ADCY3: variants seen among roughly 807,000 people sequenced by gnomAD.
The protein encoded by ADCY3 is adenylate cyclase 3.
A neutral mutation model predicts 119.4 loss-of-function variants in ADCY3; 70 were observed. The ratio of observed to expected loss-of-function variants is 0.59; its 90% CI spans 0.48 to 0.72. The LOEUF is 0.72. ADCY3 is among the 30% of genes least tolerant of loss of function. The probability of loss-of-function intolerance (pLI) is 0.00; values close to 1 mark genes in which losing one functional copy is unlikely to be tolerated. For missense variants in ADCY3, 1,238 were observed against 1,541.6 expected, an observed-to-expected ratio of 0.80 and a Z score of 3.30; for synonymous variants, 672 against 621.4, an observed-to-expected ratio of 1.08 and a Z score of -1.21.
chr2:24,909,080 A>G (rs1663262053), intron 2 of ADCY3, among the ~76,000 whole-genome samples: 1 of 152,182 alleles, frequency 6.6e-6, no homozygotes, highest in Admixed American at 6.5e-5. Flanking sequence ...GGTCTGGTAT[A>G]CAGAAGGTGT....
chr2:24,864,061 C>A (rs547685923), intron 3 of ADCY3, among the ~76,000 whole-genome samples: 15 of 152,250 alleles, frequency 9.9e-5, no homozygotes, highest in Non-Finnish European at 1.8e-4. Flanking sequence ...CCAAGGCAGG[C>A]GGATCACCAG....
intron 3 of ADCY3, among the ~76,000 whole-genome samples, chr2:24,851,969 G>A (rs566770575): frequency 5.9e-5 from 9 of 152,266 alleles, no homozygotes; most frequent in Non-Finnish European, 1.0e-4. Context: ...ATCCTCTACC[G>A]CAGCACCCGA....
In ADCY3 at chr2:24,828,115, C is replaced by G. The variant is rs757843051; in HGVS notation, c.2219G>C (p.Gly740Ala). The change falls in exon 14 of 22, where the codon GGG becomes GCG. Residue 740 changes from glycine to alanine, a missense_variant. Around this residue, in one of 7 missense-constraint regions of ADCY3, gnomAD observed 499 missense variants for 571.0 expected, o/e 0.87. Coordinates refer to ENST00000679454, the MANE Select transcript of ADCY3 (RefSeq NM_004036.5). Reference protein sequence around the residue: ...YYTGPSNATAGMETEGSCLEN... With the variant: ...YYTGPSNATAAMETEGSCLEN... ...CAGGCAGCTGCCCTCCGTTTCCATC[C>G]CTGCCGTTGCATTGCTGGGTCCCGT... is the stretch of plus-strand genomic sequence containing the variant. 8 of 1,613,984 alleles carry G rather than the reference C, an allele frequency of 5.0e-6. No homozygotes were observed. The highest frequency in any genetic ancestry group is 4.2e-6 in the Non-Finnish European group (5 of 1,180,044).
chr2:24,820,427 C>T (rs192003894), intron 21 of ADCY3: 29 of 1,321,332 alleles, frequency 2.2e-5, no homozygotes, highest in African/African-American at 1.8e-4. Context: ...TTGCCCCTTT[C>T]GTGGAGCTTT....
rs761324296 is a variant in ADCY3 at position 24,918,579 on chromosome 2, T to C, written c.409A>G (p.Arg137Gly). Residue 137 changes from arginine to glycine, a missense_variant, in exon 2 of 22, where the codon AGA becomes GGA. Around this residue, in one of 7 missense-constraint regions of ADCY3, gnomAD observed 227 missense variants for 249.3 expected, o/e 0.91. Transcript: ENST00000679454. The surrounding 1 kb of genome is among the most constrained non-coding windows in gnomAD (Gnocchi z 5.4). ...AGCCACAGCACGTAGGGCAGCACTC[T>C]GCGGGTGACCCGGTCCGGGAGCAGC... ...KGLLPDRVTR[R>G]VLPYVLWLLI... The C allele has an allele frequency of 6.2e-7, 1 of 1,614,144 alleles. No individual in the cohort carries two copies. The highest frequency in any genetic ancestry group is 8.5e-7 in the Non-Finnish European group (1 of 1,180,032).
chr2:24,819,589 G>A lies in ADCY3; in HGVS notation c.*343C>T, dbSNP rs112196584. On this transcript the variant is annotated 3_prime_UTR_variant, in exon 22 of 22. Coordinates refer to ENST00000679454, the MANE Select transcript of ADCY3 (RefSeq NM_004036.5). ...CCGCCTGTGCTCCCTCCACAGTCCC[G>A]GAAAGCCCAGCGGCAAAGGCAGCTT... 3.9e-3 allele frequency: 756 copies of A among 193,748 alleles called. 8 individuals are homozygous for A. Among genetic ancestry groups the A allele is most frequent in the African/African-American group, 0.016 (674 of 42,790 alleles). The allele number at this position is 193,748 out of a possible 1,614,324, so 12.0% of individuals were successfully genotyped here. A position where few individuals can be genotyped will look rare whatever the true frequency, so the allele number is the denominator to read the frequency against.
intron 3 of ADCY3, among the ~76,000 whole-genome samples, chr2:24,857,373 C>CA (rs1465448793): frequency 6.6e-6 from 1 of 152,264 alleles, no homozygotes; most frequent in Non-Finnish European, 1.5e-5. Flanking sequence ...AACGAGCTGT[C>CA]AACTAGGAGA....
chr2:24,826,003 G>A (rs776258055), intron 16 of ADCY3, 42 bp downstream of exon 16: 1 of 1,594,078 alleles, frequency 6.3e-7, no homozygotes, highest in Admixed American at 1.7e-5. Flanking sequence ...GAGGCCCTGT[G>A]GGCTGTGGGC....
intron 3 of ADCY3, among the ~76,000 whole-genome samples, chr2:24,846,275 C>T (rs1671641215): frequency 6.6e-6 from 1 of 152,192 alleles, no homozygotes; most frequent in Non-Finnish European, 1.5e-5. Flanking sequence ...AAGCTGCAGA[C>T]CCTCAAAGCC....
At chr2:24,881,225 C>T (rs1009177114) in intron 2 of ADCY3, among the ~76,000 whole-genome samples, 7 of 150,000 alleles carry the variant, frequency 4.7e-5, no homozygotes, top group Non-Finnish European at 8.8e-5. Context: ...CAGAACTGAT[C>T]CCAAGCTGCA....
Position 24,820,348 on chromosome 2 carries a change from G to A in ADCY3, c.3253-234C>T. ...CTCTCATCCAGAGACTTCTCTCCTA[G>A]GATGGCCATGGTCACCTGGGTGGCA... On this transcript the variant is annotated intron_variant, in intron 21 of 21. Coordinates refer to ENST00000679454, the MANE Select transcript of ADCY3 (RefSeq NM_004036.5). 3.0e-6 allele frequency: 4 copies of A among 1,333,960 alleles called. No individual in the cohort carries two copies. In the South Asian group the frequency reaches 8.6e-5, roughly 29 times the overall value. 82.6% of individuals were successfully genotyped at this position (1,333,960 alleles called of 1,614,324 possible).
At chr2:24,838,906 T>C in intron 7 of ADCY3, 1 of 1,574,714 alleles carries the variant, frequency 6.4e-7, no homozygotes. Context: ...CTTCAATCTT[T>C]GATCCGCTGT....
intron 3 of ADCY3, among the ~76,000 whole-genome samples, chr2:24,864,734 C>T (rs1460791901): frequency 1.3e-5 from 2 of 152,112 alleles, no homozygotes; most frequent in African/African-American, 4.8e-5. Flanking sequence ...GTTTAATGGG[C>T]ACAGAGTTTC....
intron 2 of ADCY3, among the ~76,000 whole-genome samples, chr2:24,910,661 C>CTT (rs59644324): frequency 8.4e-5 from 11 of 131,452 alleles, no homozygotes; most frequent in Admixed American, 2.2e-4. Context: ...CTTTTCTTTT[C>CTT]TTTTTTTTTT....
intron 3 of ADCY3, among the ~76,000 whole-genome samples, chr2:24,844,753 T>C (rs191335520): frequency 6.6e-6 from 1 of 152,322 alleles, no homozygotes; most frequent in Non-Finnish European, 1.5e-5. Flanking sequence ...ATCACACCAT[T>C]AGGACAAGGT....
chr2:24,870,710 C>T (rs968377460), intron 3 of ADCY3, among the ~76,000 whole-genome samples: 10 of 152,214 alleles, frequency 6.6e-5, no homozygotes, highest in Admixed American at 6.5e-4. Context: ...TGCCCAGGCT[C>T]CCTGCACTGA....
chr2:24,834,774 C>A lies in ADCY3; in HGVS notation c.1805+20G>T, dbSNP rs371897128. 1.2e-6 allele frequency: 2 copies of A among 1,609,146 alleles called. No homozygotes were observed. Among genetic ancestry groups the A allele is most frequent in the Admixed American group, 1.7e-5 (1 of 59,926 alleles). On this transcript the variant is annotated intron_variant, in intron 10 of 21. Transcript: ENST00000679454. This position sits in a 1 kb window ranked among gnomAD's most constrained non-coding sequence, Gnocchi z 4.2. ...GCCCGGGAGGAGTGGTGGGCCTGGACGCTTCCGGGTGGCGCTTACACTTGG... is the reference window on the plus strand; with the variant it reads ...GCCCGGGAGGAGTGGTGGGCCTGGAAGCTTCCGGGTGGCGCTTACACTTGG...
intron 2 of ADCY3, among the ~76,000 whole-genome samples, chr2:24,900,498 T>C (rs1166153938): frequency 6.6e-6 from 1 of 152,020 alleles, no homozygotes; most frequent in Non-Finnish European, 1.5e-5. Flanking sequence ...CTACCTGCAG[T>C]GTTTGTGTCC....
chr2:24,838,827 G>T (rs777408436), intron 7 of ADCY3: 2 of 1,608,852 alleles, frequency 1.2e-6, no homozygotes, highest in Non-Finnish European at 1.7e-6. Flanking sequence ...AACTAGCTGT[G>T]TGGGCCGTAT....
Sources: gnomAD v4.1 joint callset for allele counts (sites outside exome capture counted in the v4.1 genomes callset) on GRCh38, gnomAD v4.1.1 for gene constraint, gnomAD v4.1.1 regional missense constraint, Gnocchi (gnomAD v3.1) non-coding constraint, MANE v1.5 for transcripts, NCBI Gene and HGNC (gene_info 2026-07-23, HGNC 2026-07-21) for gene names.